SAMD4A: variants seen among roughly 807,000 people sequenced by gnomAD.
The protein encoded by SAMD4A is sterile alpha motif domain containing 4A.
Under a neutral mutation model 81.3 loss-of-function variants are expected in SAMD4A, and 33 were observed. The observed-to-expected ratio is 0.41, with a 90% CI of 0.31 to 0.54. SAMD4A has a LOEUF of 0.54. Among genes scored for constraint, SAMD4A ranks in the 20% least tolerant of loss-of-function variants. The pLI is 0.37. For missense variants in SAMD4A, 854 were observed against 951.1 expected (o/e 0.90, Z 1.34); for synonymous variants, 389 against 382.1 (o/e 1.02, Z -0.21).
rs759651857 is a variant in SAMD4A at position 54,774,984 on chromosome 14, G to C, written c.1766G>C (p.Gly589Ala). 30 of 1,614,094 alleles carry C rather than the reference G, an allele frequency of 1.9e-5. No homozygotes were observed. The highest frequency in any genetic ancestry group is 2.5e-5 in the Non-Finnish European group (30 of 1,180,044). Residue 589 changes from glycine to alanine, a missense_variant, in exon 10 of 13, where the codon GGT (glycine) becomes GCT (alanine). Transcript: ENST00000554335. Reference protein sequence around the residue: ...NSLPTAGSVGGGMGRRNPRQY... With the variant: ...NSLPTAGSVGAGMGRRNPRQY... ...CTCCCGACGGCTGGCTCTGTGGGCG[G>C]TGGCATGGGCAGACGGAACCCGCGC...
intron 2 of SAMD4A, among the ~76,000 whole-genome samples, chr14:54,637,365 CA>C (rs1172084217): frequency 0.014 from 910 of 63,714 alleles, 3 homozygotes; most frequent in African/African-American, 0.056. Flanking sequence ...AACTCCATCT[CA>C]AAAAAAAAAA....
chr14:54,637,294 G>A (rs2035055709), intron 2 of SAMD4A, among the ~76,000 whole-genome samples: 1 of 150,644 alleles, frequency 6.6e-6, no homozygotes, highest in Admixed American at 6.6e-5. Flanking sequence ...GAACCCGGGA[G>A]GTGGAGGTTT....
chr14:54,675,367 C>CAAAAAAAAAAAAAAAAAAAAAAAAAAAAA (rs59110762), intron 2 of SAMD4A, among the ~76,000 whole-genome samples: 1 of 75,390 alleles, frequency 1.3e-5, no homozygotes, highest in African/African-American at 4.8e-5. Flanking sequence ...ACTCCGTCTC[C>CAAAAAAAAAAAAAAAAAAAAAAAAAAAAA]AAAAAAAAAA....
chr14:54,700,394 A>T (rs950706649), intron 2 of SAMD4A, among the ~76,000 whole-genome samples: 1 of 152,138 alleles, frequency 6.6e-6, no homozygotes, highest in Non-Finnish European at 1.5e-5. Flanking sequence ...ATTATATACC[A>T]TGCCTCTTTT....
chr14:54,761,459 T>C (rs974641601), intron 7 of SAMD4A, among the ~76,000 whole-genome samples: 7 of 138,332 alleles, frequency 5.1e-5, no homozygotes, highest in Non-Finnish European at 9.6e-5. Context: ...TCTACAGCCC[T>C]TACCACCTCC....
chr14:54,653,661 T>G (rs1594775015), intron 2 of SAMD4A, among the ~76,000 whole-genome samples: 1 of 152,086 alleles, frequency 6.6e-6, no homozygotes, highest in South Asian at 2.1e-4. Flanking sequence ...TTTTTCACTG[T>G]CCTTCTTGAC....
rs370245169 is a variant in SAMD4A, at chr14:54,784,583, G to A, written c.2091G>A (p.Glu697=). 58 of 1,614,180 alleles carry A rather than the reference G, an allele frequency of 3.6e-5. No individual in the cohort carries two copies. In the African/African-American group the frequency reaches 5.5e-4, roughly 15 times the overall value. The change falls in exon 12 of 13, where the codon GAG becomes GAA. Residue 697 remains glutamate (E), a synonymous_variant. Coordinates refer to ENST00000554335, the MANE Select transcript of SAMD4A (RefSeq NM_015589.6). ...VTEPDINNRL[E]SLCLSMTEHA... ...AACCTGACATCAACAACAGGCTGGA[G>A]TCGTTGTGCCTCAGTATGACCGAAC...
chr14:54,763,939 GTGA>G (rs2038470765), intron 7 of SAMD4A, among the ~76,000 whole-genome samples: 1 of 145,324 alleles, frequency 6.9e-6, no homozygotes, highest in Non-Finnish European at 1.5e-5. Flanking sequence ...CCTCTGAGGA[GTGA>G]GTAGCAGGCC....
intron 6 of SAMD4A, among the ~76,000 whole-genome samples, chr14:54,758,175 T>C (rs1037136832): frequency 7.2e-5 from 11 of 152,200 alleles, no homozygotes; most frequent in Non-Finnish European, 1.5e-5. Flanking sequence ...ACAATTCTGG[T>C]GGCTAATTAA....
intron 7 of SAMD4A, among the ~76,000 whole-genome samples, chr14:54,760,939 C>T (rs779228987): frequency 2.6e-5 from 4 of 152,228 alleles, no homozygotes; most frequent in Non-Finnish European, 5.9e-5. Flanking sequence ...GCCCAAAGAT[C>T]TCCCTGTGCA....
intron 2 of SAMD4A, chr14:54,685,572 A>G (rs1247459001): frequency 7.2e-6 from 3 of 415,466 alleles, no homozygotes; most frequent in Non-Finnish European, 1.5e-5. Context: ...TTGGTACGCT[A>G]GTACTTGTTC....
chr14:54,687,130 G>A (rs981487357), intron 2 of SAMD4A, among the ~76,000 whole-genome samples: 3 of 152,174 alleles, frequency 2.0e-5, no homozygotes, highest in African/African-American at 7.2e-5. Flanking sequence ...TCAAGGTCAA[G>A]ACATACAGAA....
At chr14:54,694,833 C>G (rs2036537826) in intron 2 of SAMD4A, 1 of 985,504 alleles carries the variant, frequency 1.0e-6, no homozygotes, top group African/African-American at 1.7e-5. Context: ...AAGGAGCAGT[C>G]CTGGAGCACC....
intron 2 of SAMD4A, among the ~76,000 whole-genome samples, chr14:54,599,462 A>G (rs2033997878): frequency 6.6e-6 from 1 of 152,100 alleles, no homozygotes; most frequent in African/African-American, 2.4e-5. Flanking sequence ...CATAAGAAAT[A>G]TTTTTTCTCT....
chr14:54,612,987 T>C (rs1409774545), intron 2 of SAMD4A, among the ~76,000 whole-genome samples: 7 of 151,930 alleles, frequency 4.6e-5, no homozygotes. Context: ...CATGGTGGCA[T>C]GCACCTGTAG....
Position 54,747,961 on chromosome 14 carries a change from CA to C in SAMD4A, c.980-852del, listed in dbSNP as rs1321597951. 4.6e-5 allele frequency among the ~76,000 whole-genome samples: 7 copies of C among 152,204 alleles called. No individual in the cohort carries two copies. The East Asian group carries it at 1.3e-3, about 29-fold the overall frequency. The stretch of plus-strand genomic sequence containing the variant: ...AGGTAATAGTTCTCCTGTGGATTTT[CA>C]ATGCAGTTACCCTTTACTTTTCTTA... On this transcript the variant is annotated intron_variant, in intron 4 of 12. Coordinates refer to ENST00000554335, the MANE Select transcript of SAMD4A (RefSeq NM_015589.6).
intron 2 of SAMD4A, among the ~76,000 whole-genome samples, chr14:54,637,496 G>A (rs776678437): frequency 6.6e-6 from 1 of 152,076 alleles, no homozygotes; most frequent in Admixed American, 6.5e-5. Context: ...TGAAGAAGGA[G>A]TGTTAAGAAG....
intron 2 of SAMD4A, among the ~76,000 whole-genome samples, chr14:54,625,113 A>T (rs779611498): frequency 1.3e-5 from 2 of 151,830 alleles, no homozygotes; most frequent in Non-Finnish European, 2.9e-5. Flanking sequence ...ATGGCTTCCT[A>T]TGTCCCCCTC....
At chr14:54,671,633 C>G (rs571206758) in intron 2 of SAMD4A, among the ~76,000 whole-genome samples, 4 of 152,170 alleles carry the variant, frequency 2.6e-5, no homozygotes, top group Non-Finnish European at 4.4e-5. Context: ...GGCCTAGAAT[C>G]TTGGACTTTA....
Sources: gnomAD v4.1 joint callset for allele counts (sites outside exome capture counted in the v4.1 genomes callset) on GRCh38, gnomAD v4.1.1 for gene constraint, MANE v1.5 for transcripts, NCBI Gene and HGNC (gene_info 2026-07-23, HGNC 2026-07-21) for gene names.